SRGAP3: variants seen among roughly 807,000 people sequenced by gnomAD.
The protein encoded by SRGAP3 is SLIT-ROBO Rho GTPase-activating protein 3.
In SRGAP3, 39 loss-of-function variants were observed where a neutral mutation model predicts 121.1. That is an observed-to-expected ratio of 0.32 (90% CI 0.25 to 0.42). SRGAP3 has a LOEUF of 0.42. SRGAP3 is among the 10% of genes least tolerant of loss of function. The pLI is 1.00. For missense variants in SRGAP3, 1,213 were observed against 1,470.6 expected, an observed-to-expected ratio of 0.82 and a Z score of 2.86; for synonymous variants, 601 against 570.0, an observed-to-expected ratio of 1.05 and a Z score of -0.77.
chr3:9,354,331 C>T (rs1005866895), intron 1 of SRGAP3, among the ~76,000 whole-genome samples: 7 of 152,156 alleles, frequency 4.6e-5, no homozygotes, highest in Non-Finnish European at 1.0e-4. Context: ...AGAAGGTGGG[C>T]AAGGGAGTGG....
chr3:9,261,878 A>T (rs1220271293), intron 3 of SRGAP3, among the ~76,000 whole-genome samples: 60 of 103,238 alleles, frequency 5.8e-4, no homozygotes, highest in Admixed American at 2.9e-3. Flanking sequence ...CATATATTTA[A>T]AAAAAAAAAA....
intron 17 of SRGAP3, among the ~76,000 whole-genome samples, chr3:9,011,120 G>A (rs1943349431): frequency 6.6e-6 from 1 of 152,096 alleles, no homozygotes. Context: ...TGATAGATAA[G>A]GCGGACAAGG....
At chr3:8,998,200 T>C (rs973660484) in intron 18 of SRGAP3, among the ~76,000 whole-genome samples, 5 of 152,256 alleles carry the variant, frequency 3.3e-5, no homozygotes, top group African/African-American at 1.2e-4. Flanking sequence ...CAGAGCCTTC[T>C]TGATGCTTTT....
At chr3:9,348,525 C>T in intron 1 of SRGAP3, 3 of 755,504 alleles carry the variant, frequency 4.0e-6, no homozygotes, top group Non-Finnish European at 7.3e-6. Context: ...TGGTACAACA[C>T]CGACCTGAGC....
At chr3:9,002,615 A>G (rs1942835422) in intron 18 of SRGAP3, among the ~76,000 whole-genome samples, 4 of 152,184 alleles carry the variant, frequency 2.6e-5, no homozygotes, top group Admixed American at 2.6e-4. Flanking sequence ...TAAAATAGAG[A>G]ACAGAAAAAC....
At chr3:9,343,992 T>C (rs1427617648) in intron 1 of SRGAP3, among the ~76,000 whole-genome samples, 2 of 152,280 alleles carry the variant, frequency 1.3e-5, no homozygotes, top group African/African-American at 4.8e-5. Flanking sequence ...TTGGGAACAA[T>C]TTTTCTGTAT....
chr3:9,303,149 G>A (rs1955096502), intron 3 of SRGAP3, among the ~76,000 whole-genome samples: 1 of 152,084 alleles, frequency 6.6e-6, no homozygotes, highest in Non-Finnish European at 1.5e-5. Context: ...CACGTGCCAG[G>A]CGCGGTGGCT....
Position 9,015,641 on chromosome 3 carries a change from G to A in SRGAP3, c.1769C>T (p.Pro590Leu). The A allele has an allele frequency of 6.2e-7, 1 of 1,614,078 alleles. No individual in the cohort carries two copies. Among genetic ancestry groups the A allele is most frequent in the Non-Finnish European group, 8.5e-7 (1 of 1,179,988 alleles). The change falls in exon 15 of 22, where the codon CCA (proline) becomes CTA (leucine). Residue 590 changes from proline to leucine, a missense_variant. By Grantham distance (98) the Pro-to-Leu change is moderately conservative. Around this residue, in one of 2 missense-constraint regions of SRGAP3, gnomAD observed 793 missense variants for 1,032.9 expected, o/e 0.77. Transcript: ENST00000383836. ...TTGAAACCTTTCCTTAGGAAAGAGT[G>A]GGTTTTCCAGTCCTCGGAAATACAG... ...LKLYFRGLEN[P>L]LFPKERFQDL...
intron 1 of SRGAP3, among the ~76,000 whole-genome samples, chr3:9,207,171 C>T (rs990080046): frequency 2.0e-5 from 3 of 152,148 alleles, no homozygotes; most frequent in Non-Finnish European, 4.4e-5. Flanking sequence ...CTTTAAGTAC[C>T]GTTGTCCCTA....
chr3:9,334,985 C>G (rs905612034), intron 1 of SRGAP3, among the ~76,000 whole-genome samples: 14 of 152,164 alleles, frequency 9.2e-5, no homozygotes, highest in Admixed American at 3.9e-4. Context: ...CTACAGGGGC[C>G]AGGGAGGTAA....
intron 14 of SRGAP3, among the ~76,000 whole-genome samples, chr3:9,019,972 A>G (rs1057001203): frequency 2.0e-5 from 3 of 152,252 alleles, no homozygotes; most frequent in Non-Finnish European, 4.4e-5. Flanking sequence ...AATCACCTGT[A>G]TTCACACAGC....
intron 1 of SRGAP3, among the ~76,000 whole-genome samples, chr3:9,345,899 A>C (rs1386272844): frequency 6.6e-6 from 1 of 152,168 alleles, no homozygotes; most frequent in Non-Finnish European, 1.5e-5. Context: ...CTCCAAGCAC[A>C]GTATGGCCCA....
intron 1 of SRGAP3, among the ~76,000 whole-genome samples, chr3:9,361,141 C>T (rs1233376420): frequency 3.9e-5 from 6 of 152,192 alleles, no homozygotes; most frequent in Non-Finnish European, 8.8e-5. Flanking sequence ...CTCACTCTGT[C>T]ACCTGGGCTG....
intron 1 of SRGAP3, among the ~76,000 whole-genome samples, chr3:9,201,595 G>A (rs1050715318): frequency 6.6e-6 from 1 of 152,122 alleles, no homozygotes. Context: ...CCCTATAACC[G>A]GTTCCTTCCT....
At chr3:9,088,229 C>T (rs1947583428) in intron 3 of SRGAP3, among the ~76,000 whole-genome samples, 1 of 152,188 alleles carries the variant, frequency 6.6e-6, no homozygotes, top group African/African-American at 2.4e-5. Flanking sequence ...GGGTGGCAGG[C>T]TGCTTCCTTC....
rs138439511 is a variant in SRGAP3, at chr3:9,183,617, C to A, written c.68-58700G>T. Among the ~76,000 whole-genome samples, 4 of 152,192 alleles carry A rather than the reference C, an allele frequency of 2.6e-5. No homozygotes were observed. In the East Asian group the frequency reaches 7.7e-4, roughly 29 times the overall value. ...AGGCTTTCAATTTTTACTTTACATA[C>A]CTCTAGAATATTTTAATTTTATAAC... On this transcript the variant is annotated intron_variant, in intron 1 of 21. Coordinates refer to ENST00000383836, the MANE Select transcript of SRGAP3 (RefSeq NM_014850.4).
At position 9,296,576 on chromosome 3, in the gene SRGAP3, G is replaced by A. The variant is rs1232313660; in HGVS notation, n.442+29434C>T. Among the ~76,000 whole-genome samples, 4 of 152,198 alleles carry A rather than the reference G, an allele frequency of 2.6e-5. No individual in the cohort carries two copies. The South Asian group carries it at 6.2e-4, about 24-fold the overall frequency. ...TCTTCACTGGGTCCCCAGAGGCAGT[G>A]TGGAAGCATAATAGTTAAGAGTACA... On this transcript the variant is annotated intron_variant and non_coding_transcript_variant, in intron 3 of 3. Transcript: ENST00000490889.
chr3:9,339,287 C>G (rs1386729642), intron 1 of SRGAP3, among the ~76,000 whole-genome samples: 1 of 152,236 alleles, frequency 6.6e-6, no homozygotes, highest in Admixed American at 6.5e-5. Context: ...CCACTTACGA[C>G]TATACCAAGT....
In SRGAP3 at chr3:8,985,417, C is replaced by A; in HGVS notation, c.*102G>T. On this transcript the variant is annotated 3_prime_UTR_variant, in exon 22 of 22. Transcript: ENST00000383836. The surrounding 1 kb of genome is among the most constrained non-coding windows in gnomAD (Gnocchi z 5.1). ...CACACCCTCCCAGACGGACCTCTGC[C>A]CTCCAAGGCCAGGGTCACTGGGAAG... 6.4e-7 allele frequency: 1 copy of A among 1,553,036 alleles called. No individual in the cohort carries two copies. The highest frequency in any genetic ancestry group is 1.2e-5 in the South Asian group (1 of 84,232).
Sources: allele counts gnomAD v4.1 joint callset (sites outside exome capture counted in the v4.1 genomes callset), GRCh38; gene constraint gnomAD v4.1.1; regional missense constraint gnomAD v4.1.1; non-coding constraint Gnocchi (gnomAD v3.1); transcripts MANE v1.5; gene names NCBI Gene and HGNC (gene_info 2026-07-23, HGNC 2026-07-21).